Variants in FAM227A observed in about 807,000 individuals in gnomAD.
FAM227A encodes protein FAM227A.
FAM227A carries 80 observed loss-of-function variants against 74.7 expected under a neutral mutation model. The observed-to-expected ratio is 1.07, with a 90% CI of 0.89 to 1.29. FAM227A has a LOEUF of 1.29. FAM227A is among the 50% of genes most tolerant of loss of function. The pLI is 0.00. For synonymous variants in FAM227A, 237 were observed against 241.8 expected, an observed-to-expected ratio of 0.98 and a Z score of 0.19; for missense variants, 654 against 683.4, an observed-to-expected ratio of 0.96 and a Z score of 0.48.
Position 38,623,219 on chromosome 22 carries a change from C to G in FAM227A, c.911G>C (p.Arg304Pro). Residue 304 changes from arginine to proline, a missense_variant, in exon 10 of 17, where the codon CGA becomes CCA. Transcript: ENST00000535113. ...SWDYSELDPE[R>P]FRREELMLYR... ...CAACATTAATTCTTCTCTGCGGAAT[C>G]GCTCTGGGTCTAGTTCCGAGTAGTC... 6.4e-7 allele frequency: 1 copy of G among 1,551,648 alleles called. No homozygotes were observed. Among genetic ancestry groups the G allele is most frequent in the Non-Finnish European group, 8.7e-7 (1 of 1,146,936 alleles).
At chr22:38,641,953 G>A (rs748907122) in intron 3 of FAM227A, among the ~76,000 whole-genome samples, 283 of 138,386 alleles carry the variant, frequency 2.0e-3, no homozygotes, top group African/African-American at 6.8e-3. Context: ...GAAAAGGTGT[G>A]TGTGTGTGTG....
At chr22:38,651,283 T>C (rs1023321718) in intron 1 of FAM227A, among the ~76,000 whole-genome samples, 3 of 152,226 alleles carry the variant, frequency 2.0e-5, no homozygotes, top group African/African-American at 7.2e-5. Context: ...CTCACAATAG[T>C]GAACTGGAAT....
intron 10 of FAM227A, among the ~76,000 whole-genome samples, chr22:38,620,851 G>A (rs758946845): frequency 2.6e-5 from 4 of 151,730 alleles, no homozygotes; most frequent in Non-Finnish European, 5.9e-5. Flanking sequence ...TCTGTGCATA[G>A]GGCAGACACT....
intron 9 of FAM227A, among the ~76,000 whole-genome samples, chr22:38,625,720 C>A (rs924114210): frequency 6.6e-6 from 1 of 151,982 alleles, no homozygotes; most frequent in African/African-American, 2.4e-5. Flanking sequence ...CCGAAGCAGG[C>A]GGATTATGAG....
At chr22:38,639,807 C>CT in intron 3 of FAM227A, 83 bp from the exon 4 acceptor site, 1 of 945,666 alleles carries the variant, frequency 1.1e-6, no homozygotes, top group South Asian at 1.4e-5. Context: ...GGCGTTTCCT[C>CT]TTGTTGGTGC....
rs1231288576 is a variant in FAM227A, at chr22:38,586,089, C to T, written c.*36G>A. On this transcript the variant is annotated 3_prime_UTR_variant, in exon 17 of 17. Transcript: ENST00000535113. ...CCTCGTAGCAGAAATATCACGGATT[C>T]TGTAGGCGCTTCCTGGTTCTAGGTT... 10 of 1,551,960 alleles carry T rather than the reference C, an allele frequency of 6.4e-6. No individual in the cohort carries two copies. The highest frequency in any genetic ancestry group is 7.0e-6 in the Non-Finnish European group (8 of 1,147,050).
intron 6 of FAM227A, among the ~76,000 whole-genome samples, chr22:38,631,759 C>G (rs2091919377): frequency 1.3e-5 from 2 of 151,722 alleles, no homozygotes; most frequent in African/African-American, 2.4e-5. Context: ...TGAAACTGGA[C>G]AGGGGGAGAA....
intron 1 of FAM227A, among the ~76,000 whole-genome samples, chr22:38,655,455 C>T (rs1325596135): frequency 1.3e-5 from 2 of 151,280 alleles, no homozygotes; most frequent in Non-Finnish European, 2.9e-5. Flanking sequence ...CGCTTGAACC[C>T]GGGAGGCCGA....
intron 12 of FAM227A, among the ~76,000 whole-genome samples, chr22:38,606,242 C>A (rs945348089): frequency 9.2e-5 from 14 of 152,060 alleles, no homozygotes; most frequent in African/African-American, 3.4e-4. Flanking sequence ...TCATGACTCA[C>A]TGTAGCCTCA....
intron 8 of FAM227A, among the ~76,000 whole-genome samples, chr22:38,626,891 A>AAAATAT (rs1555966996): frequency 3.5e-4 from 20 of 57,676 alleles, no homozygotes; most frequent in African/African-American, 1.6e-3. Flanking sequence ...AAAAAAAAAA[A>AAAATAT]ATATATATAT....
chr22:38,630,664 A>G (rs2091898491), intron 6 of FAM227A, among the ~76,000 whole-genome samples: 1 of 152,160 alleles, frequency 6.6e-6, no homozygotes, highest in Non-Finnish European at 1.5e-5. Flanking sequence ...TTCAAAAAGG[A>G]TTTCATGTCA....
In FAM227A at chr22:38,580,578, A is replaced by G. The variant is rs2090698231; in HGVS notation, c.*5547T>C. 6.6e-6 allele frequency: 1 copy of G among 152,198 alleles called. No homozygotes were observed. The highest frequency in any genetic ancestry group is 2.1e-4 in the South Asian group (1 of 4,832). The allele number at this position is 152,198 out of a possible 1,614,324, so 9.4% of individuals were successfully genotyped here. Reference sequence around the variant, plus strand: ...ATCCATTAATTCATTAGGGGTTTCAAAATGGTGATATTTTAAGTCTATCAT... The same window carrying G: ...ATCCATTAATTCATTAGGGGTTTCAGAATGGTGATATTTTAAGTCTATCAT... On this transcript the variant is annotated 3_prime_UTR_variant, in exon 17 of 17. Coordinates refer to ENST00000535113, the MANE Select transcript of FAM227A (RefSeq NM_001013647.2).
intron 16 of FAM227A, among the ~76,000 whole-genome samples, chr22:38,588,906 C>T (rs557001020): frequency 6.1e-4 from 79 of 130,354 alleles, no homozygotes; most frequent in South Asian, 6.9e-4. Flanking sequence ...CCAGCCTGGG[C>T]GATAGAGCAA....
intron 11 of FAM227A, among the ~76,000 whole-genome samples, chr22:38,613,116 T>TATAATTATA (rs1555959758): frequency 3.3e-5 from 3 of 91,130 alleles, no homozygotes; most frequent in African/African-American, 1.4e-4. Context: ...TATATATATA[T>TATAATTATA]TATATATAAT....
chr22:38,617,589 C>T (rs906373508), intron 11 of FAM227A, among the ~76,000 whole-genome samples: 2 of 152,140 alleles, frequency 1.3e-5, no homozygotes, highest in African/African-American at 4.8e-5. Context: ...GCCTCCACAC[C>T]CGGCCGGAGG....
rs2090682567 is a variant in FAM227A, at chr22:38,578,775, C to T, written c.*7350G>A. 1 of 152,222 alleles carries T rather than the reference C, an allele frequency of 6.6e-6. No individual in the cohort carries two copies. The allele number at this position is 152,222 out of a possible 1,614,324, so 9.4% of individuals were successfully genotyped here. A position where few individuals can be genotyped will look rare whatever the true frequency, so the allele number is the denominator to read the frequency against. The stretch of plus-strand genomic sequence containing the variant: ...CAGGGCGGGAAAGGCAGAAGGAACA[C>T]AGAGGCTTATTTGGGGAACTGCAAG... On this transcript the variant is annotated 3_prime_UTR_variant, in exon 17 of 17. Coordinates refer to ENST00000535113, the MANE Select transcript of FAM227A (RefSeq NM_001013647.2).
At chr22:38,626,591 C>T (rs1409919212) in intron 8 of FAM227A, among the ~76,000 whole-genome samples, 8 of 151,298 alleles carry the variant, frequency 5.3e-5, no homozygotes, top group Admixed American at 3.3e-4. Context: ...GGGCCGGGTG[C>T]GGTGGCTCAC....
chr22:38,653,313 G>A (rs896957431), intron 1 of FAM227A, among the ~76,000 whole-genome samples: 14 of 151,342 alleles, frequency 9.3e-5, no homozygotes, highest in African/African-American at 3.4e-4. Context: ...GTGAGTTGTA[G>A]AATTATTTTA....
chr22:38,614,129 C>G (rs1021261072), intron 11 of FAM227A, among the ~76,000 whole-genome samples: 6 of 152,114 alleles, frequency 3.9e-5, no homozygotes, highest in Non-Finnish European at 7.3e-5. Flanking sequence ...GGTCTCTCAA[C>G]TATATACTAC....
Sources: allele counts gnomAD v4.1 joint callset (sites outside exome capture counted in the v4.1 genomes callset), GRCh38; gene constraint gnomAD v4.1.1; transcripts MANE v1.5; gene names NCBI Gene and HGNC (gene_info 2026-07-23, HGNC 2026-07-21).